Variants in TAFA2 observed in about 807,000 individuals in gnomAD.
The protein encoded by TAFA2 is TAFA chemokine like family member 2, also known as chemokine-like protein TAFA-2.
Under a neutral mutation model 18.8 loss-of-function variants are expected in TAFA2, and 7 were observed. The observed-to-expected ratio is 0.37, with a 90% confidence interval of 0.21 to 0.70. The LOEUF (loss-of-function observed/expected upper bound fraction) is 0.70, where lower values mean the gene tolerates loss of function less well. TAFA2 is among the 30% of genes least tolerant of loss of function. The pLI is 0.53. For missense variants in TAFA2, 122 were observed against 158.1 expected (o/e 0.77, Z 1.23); for synonymous variants, 60 against 54.2 (o/e 1.11, Z -0.47).
At chr12:61,754,839 T>C in intron 3 of TAFA2, 33 bp downstream of exon 3, 1 of 1,609,186 alleles carries the variant, frequency 6.2e-7, no homozygotes, top group Admixed American at 1.7e-5. Flanking sequence ...TCCTTGGCTG[T>C]GCTGTTACAA....
intron 4 of TAFA2, among the ~76,000 whole-genome samples, chr12:61,723,260 G>T (rs892071211): frequency 2.6e-5 from 4 of 152,042 alleles, no homozygotes; most frequent in African/African-American, 9.7e-5. Context: ...ACGAGGTATT[G>T]GAGAAAAAGA....
At chr12:62,030,397 A>G (rs1881426638) in intron 1 of TAFA2, among the ~76,000 whole-genome samples, 1 of 152,202 alleles carries the variant, frequency 6.6e-6, no homozygotes, top group Admixed American at 6.5e-5. Flanking sequence ...AGAATAAGCC[A>G]CAAGAGAAGA....
At position 61,966,591 on chromosome 12, in the gene TAFA2, G is replaced by A. The variant is rs1037188206; in HGVS notation, c.-1-99165C>T. Reference sequence around the variant, plus strand: ...ATTGTTGTTGTTTTTATTCTTATGGGTATGAGGTGCCATTAATCATCTTTT... The same window carrying A: ...ATTGTTGTTGTTTTTATTCTTATGGATATGAGGTGCCATTAATCATCTTTT... On this transcript the variant is annotated intron_variant, in intron 1 of 4. Coordinates refer to ENST00000416284, the MANE Select transcript of TAFA2 (RefSeq NM_178539.5). 2.6e-5 allele frequency among the ~76,000 whole-genome samples: 4 copies of A among 151,772 alleles called. No individual in the cohort carries two copies. The East Asian group carries it at 7.8e-4, about 29-fold the overall frequency.
intron 1 of TAFA2, among the ~76,000 whole-genome samples, chr12:61,886,904 G>A (rs1875408295): frequency 6.6e-6 from 1 of 152,314 alleles, no homozygotes; most frequent in East Asian, 1.9e-4. Flanking sequence ...TCAAACCCCA[G>A]CTTTGACATT....
chr12:61,733,486 C>T (rs879900280), intron 4 of TAFA2, among the ~76,000 whole-genome samples: 2 of 151,598 alleles, frequency 1.3e-5, no homozygotes, highest in African/African-American at 2.4e-5. Context: ...CAGCTTTCTA[C>T]ATATGGCTAG....
chr12:61,738,235 C>A (rs1868338767), intron 4 of TAFA2, among the ~76,000 whole-genome samples: 2 of 150,114 alleles, frequency 1.3e-5, no homozygotes, highest in Non-Finnish European at 1.5e-5. Flanking sequence ...TCCAGGCTAA[C>A]CTCATCTAAA....
chr12:62,042,466 A>G (rs1180935465), intron 1 of TAFA2, among the ~76,000 whole-genome samples: 1 of 150,152 alleles, frequency 6.7e-6, no homozygotes, highest in African/African-American at 2.5e-5. Flanking sequence ...GCATAATGCA[A>G]GTATGTCTCA....
chr12:61,838,225 C>T (rs1223479195), intron 2 of TAFA2, among the ~76,000 whole-genome samples: 1 of 151,890 alleles, frequency 6.6e-6, no homozygotes, highest in Non-Finnish European at 1.5e-5. Context: ...GAGATAAAGG[C>T]ATAGACAGAA....
intron 1 of TAFA2, among the ~76,000 whole-genome samples, chr12:62,247,772 G>C (rs186819955): frequency 2.0e-5 from 3 of 152,272 alleles, no homozygotes; most frequent in Admixed American, 2.0e-4. Flanking sequence ...GATTCCCAAA[G>C]ACCTATAATC....
chr12:62,214,566 A>T (rs759590725), intron 1 of TAFA2, among the ~76,000 whole-genome samples: 1 of 152,226 alleles, frequency 6.6e-6, no homozygotes, highest in African/African-American at 2.4e-5. Flanking sequence ...AACTCCTACT[A>T]TCTCAGAATG....
chr12:62,091,081 A>T (rs1014100962), intron 1 of TAFA2, among the ~76,000 whole-genome samples: 1 of 152,134 alleles, frequency 6.6e-6, no homozygotes, highest in East Asian at 1.9e-4. Flanking sequence ...TGTAGCAAGC[A>T]TTTTGCTAGA....
chr12:61,998,268 C>G (rs1880266228), intron 1 of TAFA2, among the ~76,000 whole-genome samples: 1 of 152,154 alleles, frequency 6.6e-6, no homozygotes, highest in Non-Finnish European at 1.5e-5. Context: ...TACATCTTCA[C>G]AGATTTCTTA....
intron 1 of TAFA2, among the ~76,000 whole-genome samples, chr12:61,957,013 C>T (rs930694348): frequency 6.6e-6 from 1 of 152,134 alleles, no homozygotes; most frequent in Non-Finnish European, 1.5e-5. Flanking sequence ...CACAATACTC[C>T]TACAAAATAT....
rs774060407 is a variant in TAFA2, at chr12:62,192,487, G to A, written c.-1230C>T. On this transcript the variant is annotated 5_prime_UTR_variant, in exon 1 of 5. In the 5' UTR this introduces an upstream ATG that the reference lacks. Transcript: ENST00000416284. ...TTAGCAAGCAAAGCCTCCTCTCCGCGTCCCACCCCAGATGCTATACTGTCA... is the reference window on the plus strand; with the variant it reads ...TTAGCAAGCAAAGCCTCCTCTCCGCATCCCACCCCAGATGCTATACTGTCA... 11 of 152,248 alleles carry A rather than the reference G, an allele frequency of 7.2e-5. No homozygotes were observed. The highest frequency in any genetic ancestry group is 8.8e-5 in the Non-Finnish European group (6 of 68,110). The allele number at this position is 152,248 out of a possible 1,614,324, so 9.4% of individuals were successfully genotyped here. A position where few individuals can be genotyped will look rare whatever the true frequency, so the allele number is the denominator to read the frequency against.
chr12:61,718,280 G>C (rs10877724), intron 4 of TAFA2, among the ~76,000 whole-genome samples: 1 of 152,104 alleles, frequency 6.6e-6, no homozygotes, highest in African/African-American at 2.4e-5. Flanking sequence ...GACTGTTTGC[G>C]TTGCCATTTA....
intron 1 of TAFA2, among the ~76,000 whole-genome samples, chr12:61,962,890 C>T (rs965074259): frequency 6.6e-6 from 1 of 151,876 alleles, no homozygotes; most frequent in Non-Finnish European, 1.5e-5. Context: ...CCAATGCTGT[C>T]CCTCCCCTAG....
chr12:61,809,588 G>T (rs944188635), intron 2 of TAFA2, among the ~76,000 whole-genome samples: 1 of 151,012 alleles, frequency 6.6e-6, no homozygotes, highest in Non-Finnish European at 1.5e-5. Flanking sequence ...ACTAATCCAT[G>T]ATTCCAAAAG....
chr12:61,754,150 T>C (rs1372143200), intron 3 of TAFA2, among the ~76,000 whole-genome samples: 3 of 151,994 alleles, frequency 2.0e-5, no homozygotes, highest in Non-Finnish European at 4.4e-5. Flanking sequence ...AATGGACCTA[T>C]GACCAGTTTT....
At chr12:62,019,415 G>GTAACC (rs1881045872) in intron 1 of TAFA2, among the ~76,000 whole-genome samples, 1 of 131,462 alleles carries the variant, frequency 7.6e-6, no homozygotes, top group African/African-American at 3.0e-5. Flanking sequence ...GCAAAGACTT[G>GTAACC]GACCCAAATG....
Sources: allele counts gnomAD v4.1 joint callset (sites outside exome capture counted in the v4.1 genomes callset), GRCh38; gene constraint gnomAD v4.1.1; transcripts MANE v1.5; gene names NCBI Gene and HGNC (gene_info 2026-07-23, HGNC 2026-07-21).